CCDC18: variants seen among roughly 807,000 people sequenced by gnomAD.
CCDC18 encodes coiled-coil domain-containing protein 18.
A neutral mutation model predicts 196.0 loss-of-function variants in CCDC18; 157 were observed. That is an observed-to-expected ratio of 0.80 (90% CI 0.70 to 0.91). The LOEUF is 0.91. Among genes scored for constraint, CCDC18 ranks in the 40% least tolerant of loss-of-function variants. The pLI is 0.00. For missense variants in CCDC18, 1,465 were observed against 1,611.6 expected (o/e 0.91, Z 1.56); for synonymous variants, 482 against 529.2 (o/e 0.91, Z 1.22).
intron 23 of CCDC18, among the ~76,000 whole-genome samples, chr1:93,253,820 A>G (rs1363117340): frequency 6.6e-6 from 1 of 152,156 alleles, no homozygotes; most frequent in Non-Finnish European, 1.5e-5. Context: ...TGAACCCAGA[A>G]GCAAGCTTGG....
intron 16 of CCDC18, among the ~76,000 whole-genome samples, chr1:93,223,773 A>G (rs1176087884): frequency 6.6e-6 from 1 of 152,090 alleles, no homozygotes; most frequent in Non-Finnish European, 1.5e-5. Context: ...ATAAAAGAAG[A>G]GTTTACCTTC....
Position 93,221,951 on chromosome 1 carries a change from A to T in CCDC18, c.2175+15A>T. The T allele has an allele frequency of 6.7e-7, 1 of 1,497,548 alleles. No individual in the cohort carries two copies. 92.8% of individuals were successfully genotyped at this position (1,497,548 alleles called of 1,614,324 possible). ...AAACAATCAAGGCTAGTATGCTAATACTTTATTTTTCTTTCTTTCCTTTTT... is the reference window on the plus strand; with the variant it reads ...AAACAATCAAGGCTAGTATGCTAATTCTTTATTTTTCTTTCTTTCCTTTTT... On this transcript the variant is annotated intron_variant, in intron 16 of 28. Transcript: ENST00000690025.
chr1:93,247,765 A>T (rs2100968227), intron 23 of CCDC18, among the ~76,000 whole-genome samples: 2 of 152,134 alleles, frequency 1.3e-5, no homozygotes, highest in Middle Eastern at 6.8e-3. Context: ...GTTTTTCCAA[A>T]TACAAGATTA....
intron 21 of CCDC18, among the ~76,000 whole-genome samples, chr1:93,242,597 A>AC (rs1336781365): frequency 6.6e-6 from 1 of 152,210 alleles, no homozygotes; most frequent in Non-Finnish European, 1.5e-5. Context: ...CAAAGTCTTA[A>AC]TTCATTTGAG....
At chr1:93,206,718 T>G (rs942998896) in intron 8 of CCDC18, among the ~76,000 whole-genome samples, 6 of 152,162 alleles carry the variant, frequency 3.9e-5, no homozygotes, top group African/African-American at 7.2e-5. Context: ...CTTTTTCTCC[T>G]GTTTTAGGAA....
At position 93,278,588 on chromosome 1, in the gene CCDC18, T is replaced by C. The variant is rs1017026375; in HGVS notation, c.*111T>C. On this transcript the variant is annotated 3_prime_UTR_variant, in exon 29 of 29. Coordinates refer to ENST00000690025, the MANE Select transcript of CCDC18 (RefSeq NM_001378204.1). ...AGCTGTTATTTTGCTTTTGAATAAA[T>C]TTTATATTTCAATATTTTAAAAGAA... is the stretch of plus-strand genomic sequence containing the variant. The C allele has an allele frequency of 1.0e-5, 5 of 483,840 alleles. No individual in the cohort carries two copies. The highest frequency in any genetic ancestry group is 1.8e-5 in the Non-Finnish European group (5 of 281,090). 30.0% of individuals were successfully genotyped at this position (483,840 alleles called of 1,614,324 possible). A position where few individuals can be genotyped will look rare whatever the true frequency, so the allele number is the denominator to read the frequency against.
rs935015985 is a variant in CCDC18, at chr1:93,193,665, G to A, written c.619G>A (p.Glu207Lys). 2.2e-5 allele frequency: 35 copies of A among 1,593,960 alleles called. No individual in the cohort carries two copies. Among genetic ancestry groups the A allele is most frequent in the Non-Finnish European group, 2.9e-5 (34 of 1,171,710 alleles). The change falls in exon 6 of 29, where the codon GAA (glutamate) becomes AAA (lysine). Residue 207 changes from glutamate to lysine, a missense_variant. Physicochemically the swap from Glu to Lys is moderately conservative, Grantham distance 56 (BLOSUM62 1). Transcript: ENST00000690025. ...GAGCCAGAAAATGGTAATTGAAAAG[G>A]AACAGAGTTTGCAGGAGTCCAAAGA... ...EQSQKMVIEK[E>K]QSLQESKEEC...
At chr1:93,221,815 A>G in intron 15 of CCDC18, 44 bp from the exon 16 acceptor site, 1 of 1,582,646 alleles carries the variant, frequency 6.3e-7, no homozygotes, top group South Asian at 1.2e-5. Context: ...TTGCCTTTAA[A>G]TCTAATCAAA....
At chr1:93,188,772 A>C (rs1305268977) in intron 4 of CCDC18, among the ~76,000 whole-genome samples, 2 of 152,096 alleles carry the variant, frequency 1.3e-5, no homozygotes, top group Admixed American at 6.6e-5. Flanking sequence ...GGTATTTGAG[A>C]GCCCTTTCAG....
At position 93,211,837 on chromosome 1, in the gene CCDC18, G is replaced by A. The variant is rs72957288; in HGVS notation, c.1335-264G>A. On this transcript the variant is annotated intron_variant, in intron 10 of 28. Coordinates refer to ENST00000690025, the MANE Select transcript of CCDC18 (RefSeq NM_001378204.1). ...CTTATACATATATATGAGAGTTTCT[G>A]TAGTATATATTCCTAACAGTGAAAT... 8.4e-3 allele frequency among the ~76,000 whole-genome samples: 1,276 copies of A among 152,218 alleles called. 26 individuals are homozygous for A. The highest frequency in any genetic ancestry group is 0.029 in the African/African-American group (1,219 of 41,510).
intron 9 of CCDC18, among the ~76,000 whole-genome samples, chr1:93,207,943 A>G (rs1654971359): frequency 6.6e-6 from 1 of 152,132 alleles, no homozygotes; most frequent in South Asian, 2.1e-4. Flanking sequence ...ATGTTGTGAT[A>G]TCAGTATTTC....
chr1:93,211,508 C>T (rs1187223455), intron 10 of CCDC18, among the ~76,000 whole-genome samples: 1 of 151,994 alleles, frequency 6.6e-6, no homozygotes, highest in African/African-American at 2.4e-5. Context: ...CCCATTTTTC[C>T]CCTAAGTATC....
chr1:93,245,664 G>A lies in CCDC18; in HGVS notation c.2982-441G>A, dbSNP rs377360344. 2.1e-3 allele frequency among the ~76,000 whole-genome samples: 326 copies of A among 152,102 alleles called. 2 individuals are homozygous for A. The highest frequency in any genetic ancestry group is 7.5e-3 in the African/African-American group (311 of 41,530). Reference sequence around the variant, plus strand: ...AGTGCTTTTTTATATGTAAGGCATCGTTTTGAGTAACATCCTCATGAGAAA... The same window carrying A: ...AGTGCTTTTTTATATGTAAGGCATCATTTTGAGTAACATCCTCATGAGAAA... On this transcript the variant is annotated intron_variant, in intron 21 of 28. Coordinates refer to ENST00000690025, the MANE Select transcript of CCDC18 (RefSeq NM_001378204.1).
intron 16 of CCDC18, 35 bp from the exon 17 acceptor site, chr1:93,226,298 G>GTTTTTTTTTTTTTTTTTTTTTT (rs34227600): frequency 1.8e-6 from 1 of 553,932 alleles, no homozygotes; most frequent in Non-Finnish European, 3.0e-6. Context: ...ATCGTTTTGT[G>GTTTTTTTTTTTTTTTTTTTTTT]TTTTTTTTTT....
intron 17 of CCDC18, among the ~76,000 whole-genome samples, chr1:93,227,625 T>C (rs1403250807): frequency 2.6e-5 from 4 of 152,132 alleles, no homozygotes; most frequent in African/African-American, 7.2e-5. Flanking sequence ...GGTTAAAATT[T>C]ATTTTTAGAA....
At chr1:93,189,732 A>T (rs543252395) in intron 4 of CCDC18, among the ~76,000 whole-genome samples, 5 of 152,068 alleles carry the variant, frequency 3.3e-5, no homozygotes, top group Non-Finnish European at 5.9e-5. Context: ...GTGCAATCAC[A>T]GCTCAGTGCA....
At position 93,180,810 on chromosome 1, in the gene CCDC18, G is replaced by A. The variant is rs1649464570; in HGVS notation, c.-45G>A. The A allele has an allele frequency of 3.7e-6, 5 of 1,367,818 alleles. No individual in the cohort carries two copies. In the African/African-American group the frequency reaches 4.4e-5, roughly 12 times the overall value. The allele number at this position is 1,367,818 out of a possible 1,614,324, so 84.7% of individuals were successfully genotyped here. ...CGCAGGGGCCCGGGAAAGGGTCAGA[G>A]GCTTCCTAACGCAGACTCGAGTGCG... On this transcript the variant is annotated 5_prime_UTR_variant, in exon 1 of 29. Coordinates refer to ENST00000690025, the MANE Select transcript of CCDC18 (RefSeq NM_001378204.1).
At chr1:93,216,937 T>C (rs77262388) in intron 13 of CCDC18, among the ~76,000 whole-genome samples, 191 bp downstream of exon 13, 30 of 66,716 alleles carry the variant, frequency 4.5e-4, no homozygotes, top group African/African-American at 7.5e-4. Context: ...AGTTTTCTCT[T>C]TTTTTTTTTT....
At chr1:93,242,318 T>C (rs2100874916) in intron 21 of CCDC18, among the ~76,000 whole-genome samples, 1 of 136,366 alleles carries the variant, frequency 7.3e-6, no homozygotes, top group South Asian at 2.1e-4. Context: ...ACACATCTCA[T>C]ATGGTGGCAG....
Sources: gnomAD v4.1 joint callset for allele counts (sites outside exome capture counted in the v4.1 genomes callset) on GRCh38, gnomAD v4.1.1 for gene constraint, MANE v1.5 for transcripts, NCBI Gene and HGNC (gene_info 2026-07-23, HGNC 2026-07-21) for gene names.